The following PCMTD2 variants were observed in gnomAD, a reference collection of about 807,000 sequenced individuals.
PCMTD2 encodes the protein protein-L-isoaspartate (D-aspartate) O-methyltransferase domain containing 2.
PCMTD2 carries 16 observed loss-of-function variants against 33.4 expected under a neutral mutation model. The ratio of observed to expected loss-of-function variants is 0.48; its 90% CI spans 0.32 to 0.73. PCMTD2 has a LOEUF of 0.73. Ranked by LOEUF, PCMTD2 falls within the 30% of genes least tolerant of loss-of-function variation. The pLI is 0.03. For missense variants in PCMTD2, 374 were observed against 449.9 expected (o/e 0.83, Z 1.53); for synonymous variants, 161 against 160.8 (o/e 1.00, Z -0.01).
rs1447902804 is a variant in PCMTD2 at position 64,273,550 on chromosome 20, C to G, written c.1036C>G (p.Pro346Ala). 6 of 1,540,954 alleles carry G rather than the reference C, an allele frequency of 3.9e-6. No homozygotes were observed. Among genetic ancestry groups the G allele is most frequent in the Middle Eastern group, 3.5e-4 (2 of 5,688 alleles). Residue 346 changes from proline to alanine, a missense_variant, in exon 6 of 6, where the codon CCT becomes GCT. Pro to Ala is a conservative substitution (Grantham distance 27). Transcript: ENST00000308824. ...CCTACGCCAGAAGGTCCTGAGCCTCCCTCTGCCAGATCCCCTGAAATACTA... is the reference window on the plus strand; with the variant it reads ...CCTACGCCAGAAGGTCCTGAGCCTCGCTCTGCCAGATCCCCTGAAATACTA... Reference protein sequence around the residue: ...NFLRQKVLSLPLPDPLKYYLL... With the variant: ...NFLRQKVLSLALPDPLKYYLL...
intron 5 of PCMTD2, chr20:64,272,343 T>G: frequency 7.2e-6 from 2 of 276,496 alleles, no homozygotes; most frequent in East Asian, 1.7e-4. Context: ...TTTAATGTAA[T>G]TTTCCCTTTG....
intron 4 of PCMTD2, chr20:64,265,735 C>T: frequency 6.8e-6 from 2 of 295,308 alleles, no homozygotes; most frequent in East Asian, 5.8e-5. Context: ...TCCTTCCCCC[C>T]AGCTGTTCTG....
intron 5 of PCMTD2, among the ~76,000 whole-genome samples, chr20:64,273,018 C>T (rs1985968826): frequency 6.6e-6 from 1 of 152,182 alleles, no homozygotes; most frequent in Non-Finnish European, 1.5e-5. Context: ...AGAATTGATG[C>T]ATTTGGAAAT....
chr20:64,263,894 A>G (rs1362376162), intron 2 of PCMTD2, among the ~76,000 whole-genome samples: 2 of 152,232 alleles, frequency 1.3e-5, no homozygotes, highest in East Asian at 3.8e-4. Flanking sequence ...GCAGTTTTAT[A>G]TCGGGGGAGC....
intron 5 of PCMTD2, among the ~76,000 whole-genome samples, chr20:64,272,954 C>G (rs533056633): frequency 6.6e-6 from 1 of 152,302 alleles, no homozygotes; most frequent in African/African-American, 2.4e-5. Context: ...GGTGTTGATT[C>G]CACCACTGAT....
intron 2 of PCMTD2, among the ~76,000 whole-genome samples, chr20:64,261,873 C>A (rs779217545): frequency 6.6e-6 from 1 of 152,098 alleles, no homozygotes; most frequent in East Asian, 1.9e-4. Flanking sequence ...TAAGGTAGAA[C>A]CTTGGGGAGA....
At chr20:64,257,589 C>G (rs1985221417) in intron 1 of PCMTD2, among the ~76,000 whole-genome samples, 1 of 152,100 alleles carries the variant, frequency 6.6e-6, no homozygotes, top group African/African-American at 2.4e-5. Flanking sequence ...CTGATCATAT[C>G]GATGGTTTTC....
intron 2 of PCMTD2, among the ~76,000 whole-genome samples, chr20:64,263,188 G>A (rs1188067616): frequency 1.3e-5 from 2 of 152,306 alleles, no homozygotes; most frequent in African/African-American, 2.4e-5. Flanking sequence ...AATTGAAGTC[G>A]GAGTTGTCAG....
chr20:64,262,018 C>T (rs73626468), intron 2 of PCMTD2, among the ~76,000 whole-genome samples: 13 of 152,098 alleles, frequency 8.5e-5, no homozygotes, highest in Non-Finnish European at 1.9e-4. Context: ...TTTGGGAGGC[C>T]GAGGCAGGCA....
In PCMTD2 at chr20:64,274,890, T is replaced by G. The variant is rs1479525574; in HGVS notation, c.*1290T>G. ...AACATTGGTTCTTTTTAAAACATTT[T>G]TTTTTACCCAAAGAAAAGAATAATA... On this transcript the variant is annotated 3_prime_UTR_variant, in exon 6 of 6. Transcript: ENST00000308824. 6.6e-6 allele frequency: 1 copy of G among 152,210 alleles called. No individual in the cohort carries two copies. Among genetic ancestry groups the G allele is most frequent in the Admixed American group, 6.5e-5 (1 of 15,288 alleles). 9.4% of individuals were successfully genotyped at this position (152,210 alleles called of 1,614,324 possible).
intron 5 of PCMTD2, among the ~76,000 whole-genome samples, chr20:64,269,202 T>C (rs1440806810): frequency 6.6e-6 from 1 of 152,092 alleles, no homozygotes; most frequent in African/African-American, 2.4e-5. Context: ...GGGTGGAGGG[T>C]GAATCTGTCA....
chr20:64,272,355 G>C (rs1428900555), intron 5 of PCMTD2: 1 of 294,860 alleles, frequency 3.4e-6, no homozygotes, highest in African/African-American at 2.2e-5. Flanking sequence ...TTCCCTTTGA[G>C]AAATGTTGCC....
Position 64,275,630 on chromosome 20 carries a change from T to C in PCMTD2, c.*2030T>C, listed in dbSNP as rs1295188642. ...GAGAAATACTTTGGTGTTTACCTTATGAAAATAAAGGATTGTAAGTAAAGT... is the reference window on the plus strand; with the variant it reads ...GAGAAATACTTTGGTGTTTACCTTACGAAAATAAAGGATTGTAAGTAAAGT... On this transcript the variant is annotated 3_prime_UTR_variant, in exon 6 of 6. Coordinates refer to ENST00000308824, the MANE Select transcript of PCMTD2 (RefSeq NM_018257.3). 2.0e-5 allele frequency: 3 copies of C among 152,236 alleles called. No homozygotes were observed. Among genetic ancestry groups the C allele is most frequent in the Non-Finnish European group, 4.4e-5 (3 of 68,028 alleles). The allele number at this position is 152,236 out of a possible 1,614,324, so 9.4% of individuals were successfully genotyped here. A position where few individuals can be genotyped will look rare whatever the true frequency, so the allele number is the denominator to read the frequency against.
Position 64,273,446 on chromosome 20 carries a change from G to T in PCMTD2, c.932G>T (p.Cys311Phe), listed in dbSNP as rs1985991846. Residue 311 changes from cysteine to phenylalanine, a missense_variant, in exon 6 of 6, where the codon TGT (cysteine) becomes TTT (phenylalanine). Physicochemically the swap from Cys to Phe is radical, Grantham distance 205. Coordinates refer to ENST00000308824, the MANE Select transcript of PCMTD2 (RefSeq NM_018257.3). Reference sequence around the variant, plus strand: ...TCCAACCCCTCAGATGACAACAGCTGTGAAGACTTGGAAGAGGAACGGAGG... The same window carrying T: ...TCCAACCCCTCAGATGACAACAGCTTTGAAGACTTGGAAGAGGAACGGAGG... ...RISNPSDDNS[C>F]EDLEEERREE... The T allele has an allele frequency of 1.9e-6, 3 of 1,613,832 alleles. No homozygotes were observed. The highest frequency in any genetic ancestry group is 2.5e-6 in the Non-Finnish European group (3 of 1,179,970).
chr20:64,270,017 GGCGT>G (rs1985836448), intron 5 of PCMTD2, among the ~76,000 whole-genome samples: 1 of 137,828 alleles, frequency 7.3e-6, no homozygotes, highest in Non-Finnish European at 1.6e-5. Context: ...CGTAAGTTCA[GGCGT>G]GCACGGTATG....
chr20:64,268,748 A>G (rs1985762995), intron 5 of PCMTD2, among the ~76,000 whole-genome samples: 1 of 152,210 alleles, frequency 6.6e-6, no homozygotes, highest in Non-Finnish European at 1.5e-5. Flanking sequence ...AAGTTTTGCA[A>G]AAAGTTTTAC....
rs1207327699 is a variant in PCMTD2, at chr20:64,273,531, C to T, written c.1017C>T (p.Arg339=). The change falls in exon 6 of 6, where the codon CGC becomes CGT. Residue 339 remains arginine (R), a synonymous_variant. Transcript: ENST00000308824. ...TKPDPPVNFL[R]QKVLSLPLPD... Reference sequence around the variant, plus strand: ...CAGACCCCCCAGTGAACTTCCTACGCCAGAAGGTCCTGAGCCTCCCTCTGC... The same window carrying T: ...CAGACCCCCCAGTGAACTTCCTACGTCAGAAGGTCCTGAGCCTCCCTCTGC... 1.3e-6 allele frequency: 2 copies of T among 1,574,286 alleles called. No homozygotes were observed. Among genetic ancestry groups the T allele is most frequent in the South Asian group, 1.2e-5 (1 of 83,290 alleles).
chr20:64,266,194 A>G (rs1467269193), intron 4 of PCMTD2, among the ~76,000 whole-genome samples: 3 of 152,162 alleles, frequency 2.0e-5, no homozygotes, highest in Admixed American at 2.0e-4. Context: ...TCAGCATCCC[A>G]AGTAGCTGGC....
intron 2 of PCMTD2, chr20:64,262,553 A>G (rs534294384): frequency 7.2e-5 from 11 of 152,408 alleles, no homozygotes; most frequent in Non-Finnish European, 1.5e-4. Flanking sequence ...TTCAAGCTTA[A>G]TAGCACTTGG....
Sources: allele counts gnomAD v4.1 joint callset (sites outside exome capture counted in the v4.1 genomes callset), GRCh38; gene constraint gnomAD v4.1.1; transcripts MANE v1.5; gene names NCBI Gene and HGNC (gene_info 2026-07-23, HGNC 2026-07-21).